Variants in EVA1C observed in about 807,000 individuals in gnomAD.
EVA1C encodes the protein eva-1 homolog C.
In EVA1C, 25 loss-of-function variants were observed where a neutral mutation model predicts 45.4. The observed-to-expected ratio is 0.55, with a 90% confidence interval of 0.40 to 0.77. EVA1C has a LOEUF of 0.77. Ranked by LOEUF, EVA1C falls within the 30% of genes least tolerant of loss-of-function variation. EVA1C has a pLI of 0.00. For synonymous variants in EVA1C, 190 were observed against 221.2 expected (o/e 0.86, Z 1.25); for missense variants, 479 against 554.8 (o/e 0.86, Z 1.37).
chr21:32,487,323 T>C (rs1450796637), intron 4 of EVA1C, among the ~76,000 whole-genome samples: 1 of 152,158 alleles, frequency 6.6e-6, no homozygotes, highest in Non-Finnish European at 1.5e-5. Context: ...CCATCACCAA[T>C]GGTCAATGAC....
At position 32,468,796 on chromosome 21, in the gene EVA1C, G is replaced by A. The variant is rs149219220; in HGVS notation, c.634+948G>A. ...CCTTTCCCAGCCCACTGACTCAAAC[G>A]TTAATCTCTTTTGGCAACACCCTCA... On this transcript the variant is annotated intron_variant, in intron 4 of 7. Transcript: ENST00000300255. 1.1e-4 allele frequency among the ~76,000 whole-genome samples: 17 copies of A among 152,202 alleles called. No homozygotes were observed. In the East Asian group the frequency reaches 2.9e-3, roughly 26 times the overall value.
chr21:32,470,470 G>A (rs2036329866), intron 4 of EVA1C, among the ~76,000 whole-genome samples: 1 of 152,182 alleles, frequency 6.6e-6, no homozygotes, highest in Non-Finnish European at 1.5e-5. Context: ...AGCCAAATGG[G>A]GCAGAGAGGC....
At chr21:32,486,021 G>A (rs545372233) in intron 4 of EVA1C, among the ~76,000 whole-genome samples, 1 of 152,342 alleles carries the variant, frequency 6.6e-6, no homozygotes, top group African/African-American at 2.4e-5. Context: ...CATCATCAGA[G>A]ATATACTTTT....
intron 6 of EVA1C, among the ~76,000 whole-genome samples, chr21:32,502,407 G>A (rs893659299): frequency 6.6e-6 from 1 of 151,474 alleles, no homozygotes; most frequent in Non-Finnish European, 1.5e-5. Context: ...CCCCTCCTTA[G>A]TTTTCACTTG....
chr21:32,474,531 C>A lies in EVA1C; in HGVS notation c.634+6683C>A, dbSNP rs377489865. 2.0e-5 allele frequency among the ~76,000 whole-genome samples: 3 copies of A among 152,196 alleles called. No individual in the cohort carries two copies. Among genetic ancestry groups the A allele is most frequent in the Admixed American group, 6.5e-5 (1 of 15,284 alleles). On this transcript the variant is annotated intron_variant, in intron 4 of 7. Coordinates refer to ENST00000300255, the MANE Select transcript of EVA1C (RefSeq NM_058187.5). The surrounding 1 kb of genome is among the most constrained non-coding windows in gnomAD (Gnocchi z 4.4). ...CCTCGTCCCTGCAGTCCCTCTCTGGCGACCCTTTTGTTGGACTTTCTCCAC... is the reference window on the plus strand; with the variant it reads ...CCTCGTCCCTGCAGTCCCTCTCTGGAGACCCTTTTGTTGGACTTTCTCCAC...
chr21:32,473,994 A>G, intron 4 of EVA1C: 2 of 976,870 alleles, frequency 2.0e-6, no homozygotes, highest in South Asian at 4.7e-5. Flanking sequence ...AGTATTCATC[A>G]TAGCTCACTG....
At chr21:32,415,772 G>A (rs1336692697) in intron 1 of EVA1C, among the ~76,000 whole-genome samples, 1 of 152,142 alleles carries the variant, frequency 6.6e-6, no homozygotes, top group Non-Finnish European at 1.5e-5. Flanking sequence ...GTCGCCAGCG[G>A]CCACTGGAAG....
Position 32,463,872 on chromosome 21 carries a change from C to A in EVA1C, c.482-3824C>A, listed in dbSNP as rs200323518. 6.3e-3 allele frequency among the ~76,000 whole-genome samples: 963 copies of A among 152,168 alleles called. 16 individuals carry two copies. The highest frequency in any genetic ancestry group is 0.036 in the Admixed American group (546 of 15,290). ...TGTCCTGCCTTCTCCCATCCTCTTTCTGTGCCAGCTCTGCCATGGGAAGGC... is the reference window on the plus strand; with the variant it reads ...TGTCCTGCCTTCTCCCATCCTCTTTATGTGCCAGCTCTGCCATGGGAAGGC... On this transcript the variant is annotated intron_variant, in intron 3 of 7. Coordinates refer to ENST00000300255, the MANE Select transcript of EVA1C (RefSeq NM_058187.5).
intron 1 of EVA1C, among the ~76,000 whole-genome samples, chr21:32,416,331 T>C (rs926854434): frequency 1.2e-3 from 180 of 150,316 alleles, no homozygotes; most frequent in African/African-American, 4.0e-3. Context: ...CTTTTTTTTT[T>C]TTTTTTTTTC....
intron 3 of EVA1C, 110 bp downstream of exon 3, chr21:32,457,830 TAACA>T (rs1601318385): frequency 7.1e-6 from 9 of 1,270,792 alleles, no homozygotes; most frequent in Non-Finnish European, 7.8e-6. Context: ...TGAAACTCAT[TAACA>T]GACACATTGG....
intron 4 of EVA1C, among the ~76,000 whole-genome samples, chr21:32,487,459 A>C (rs1179318689): frequency 6.6e-6 from 1 of 151,896 alleles, no homozygotes; most frequent in East Asian, 1.9e-4. Flanking sequence ...AGTGGCAGCG[A>C]CTCACATCCC....
At chr21:32,437,014 G>A (rs13049215) in intron 1 of EVA1C, among the ~76,000 whole-genome samples, 1 of 152,108 alleles carries the variant, frequency 6.6e-6, no homozygotes, top group East Asian at 1.9e-4. Flanking sequence ...ATAAAAATTA[G>A]CCGGGCGTGG....
At chr21:32,429,229 C>T (rs960168926) in intron 1 of EVA1C, among the ~76,000 whole-genome samples, 12 of 152,048 alleles carry the variant, frequency 7.9e-5, no homozygotes, top group African/African-American at 2.2e-4. Flanking sequence ...TTAGTATAGA[C>T]GGGATTTCAC....
chr21:32,513,546 CTTTTCT>C (rs1231443946), intron 7 of EVA1C, among the ~76,000 whole-genome samples: 1 of 100,294 alleles, frequency 1.0e-5, no homozygotes, highest in Non-Finnish European at 1.8e-5. Flanking sequence ...TAATATTTTT[CTTTTCT>C]TTTTTTTTTT....
intron 2 of EVA1C, among the ~76,000 whole-genome samples, chr21:32,457,149 T>C (rs1242058254): frequency 6.6e-6 from 1 of 152,154 alleles, no homozygotes; most frequent in Non-Finnish European, 1.5e-5. Flanking sequence ...GTGTCCTGTG[T>C]GGGGCTATTT....
intron 1 of EVA1C, among the ~76,000 whole-genome samples, chr21:32,417,651 A>G (rs1300375353): frequency 6.6e-6 from 1 of 152,194 alleles, no homozygotes; most frequent in Non-Finnish European, 1.5e-5. Flanking sequence ...CAGGAATTCC[A>G]GGGTATAGAA....
intron 1 of EVA1C, among the ~76,000 whole-genome samples, chr21:32,413,925 C>T (rs1467424223): frequency 6.6e-6 from 1 of 152,302 alleles, no homozygotes; most frequent in African/African-American, 2.4e-5. Context: ...GATCTTCTGC[C>T]AAGTTCAGGC....
At chr21:32,443,730 AT>A (rs2035264572) in intron 1 of EVA1C, among the ~76,000 whole-genome samples, 1 of 152,140 alleles carries the variant, frequency 6.6e-6, no homozygotes, top group African/African-American at 2.4e-5. Context: ...GCTCTCTTTT[AT>A]TTTTATTTTA....
chr21:32,424,870 G>A lies in EVA1C; in HGVS notation c.160+11857G>A, dbSNP rs2034427693. Among the ~76,000 whole-genome samples the A allele has an allele frequency of 2.6e-5, 4 of 152,086 alleles. No individual in the cohort carries two copies. The South Asian group carries it at 8.3e-4, about 32-fold the overall frequency. On this transcript the variant is annotated intron_variant, in intron 1 of 7. Transcript: ENST00000300255. ...CGTGATGATGATGATGATTGATGATGATTTCTCATAGAGTCTCATTCTGTT... is the reference window on the plus strand; with the variant it reads ...CGTGATGATGATGATGATTGATGATAATTTCTCATAGAGTCTCATTCTGTT...
Sources: allele counts gnomAD v4.1 joint callset (sites outside exome capture counted in the v4.1 genomes callset), GRCh38; gene constraint gnomAD v4.1.1; non-coding constraint Gnocchi (gnomAD v3.1); transcripts MANE v1.5; gene names NCBI Gene and HGNC (gene_info 2026-07-23, HGNC 2026-07-21).